Variants in VSIG10 observed in about 807,000 individuals in gnomAD.
VSIG10 encodes the protein V-set and immunoglobulin domain containing 10, also known as V-set and immunoglobulin domain-containing protein 10.
A neutral mutation model predicts 58.7 loss-of-function variants in VSIG10; 48 were observed. That is an observed-to-expected ratio of 0.82 (90% confidence interval 0.65 to 1.04). The LOEUF (loss-of-function observed/expected upper bound fraction) is 1.04. Ranked by LOEUF, VSIG10 falls within the 50% of genes least tolerant of loss-of-function variation. VSIG10 has a pLI of 0.00. For missense variants in VSIG10, 628 were observed against 670.0 expected, an observed-to-expected ratio of 0.94 and a Z score of 0.69; for synonymous variants, 260 against 267.1, an observed-to-expected ratio of 0.97 and a Z score of 0.26.
intron 4 of VSIG10, among the ~76,000 whole-genome samples, chr12:118,076,342 G>C (rs1346184922): frequency 3.3e-5 from 5 of 151,004 alleles, no homozygotes; most frequent in African/African-American, 1.2e-4. Context: ...CTGTGTGATG[G>C]ATATCATGAA....
intron 2 of VSIG10, among the ~76,000 whole-genome samples, chr12:118,084,659 G>A (rs4767662): frequency 0.67 from 102,467 of 151,948 alleles, 36,498 homozygotes; most frequent in African/African-American, 0.91. Context: ...TGGGTGGATC[G>A]CTTGAGGTCA....
intron 2 of VSIG10, among the ~76,000 whole-genome samples, chr12:118,088,267 A>C (rs1436928846): frequency 2.6e-5 from 4 of 151,344 alleles, no homozygotes; most frequent in African/African-American, 9.7e-5. Context: ...AAGGACCCAG[A>C]TATAAACTGG....
intron 2 of VSIG10, among the ~76,000 whole-genome samples, chr12:118,089,268 T>A (rs930150523): frequency 6.6e-6 from 1 of 152,188 alleles, no homozygotes; most frequent in Non-Finnish European, 1.5e-5. Flanking sequence ...GTGACATTTT[T>A]AAAGTTGCAA....
At chr12:118,094,453 G>C (rs1048379627) in intron 2 of VSIG10, among the ~76,000 whole-genome samples, 1 of 151,842 alleles carries the variant, frequency 6.6e-6, no homozygotes, top group Non-Finnish European at 1.5e-5. Context: ...GCACGATCTC[G>C]GCTCACCACA....
chr12:118,093,331 T>C (rs1308022423), intron 2 of VSIG10, among the ~76,000 whole-genome samples: 1 of 151,728 alleles, frequency 6.6e-6, no homozygotes, highest in Non-Finnish European at 1.5e-5. Flanking sequence ...CTGCAGGCCA[T>C]ACAACAGCAG....
At chr12:118,097,938 A>G (rs2033511863) in intron 1 of VSIG10, among the ~76,000 whole-genome samples, 1 of 152,006 alleles carries the variant, frequency 6.6e-6, no homozygotes, top group Admixed American at 6.6e-5. Flanking sequence ...AAATAAATAA[A>G]CAAACTACAT....
chr12:118,086,410 A>G (rs2033128265), intron 2 of VSIG10, among the ~76,000 whole-genome samples: 1 of 152,036 alleles, frequency 6.6e-6, no homozygotes, highest in African/African-American at 2.4e-5. Context: ...AGAGGCTGCC[A>G]TGAGCCGAGA....
chr12:118,099,900 C>G (rs2033579043), intron 1 of VSIG10, among the ~76,000 whole-genome samples: 1 of 152,224 alleles, frequency 6.6e-6, no homozygotes, highest in Non-Finnish European at 1.5e-5. Flanking sequence ...CTGATTCTCT[C>G]ACCATTTTGG....
intron 1 of VSIG10, among the ~76,000 whole-genome samples, chr12:118,099,134 A>G (rs2033556109): frequency 6.6e-6 from 1 of 151,802 alleles, no homozygotes; most frequent in East Asian, 2.0e-4. Context: ...CAGGCCTGTA[A>G]TCCCAGGGCT....
intron 4 of VSIG10, among the ~76,000 whole-genome samples, chr12:118,078,489 T>C (rs1419906552): frequency 6.6e-6 from 1 of 152,032 alleles, no homozygotes; most frequent in African/African-American, 2.4e-5. Context: ...GTTTGGCACC[T>C]CCCTTCTCTC....
At chr12:118,093,056 G>A (rs1289788371) in intron 2 of VSIG10, among the ~76,000 whole-genome samples, 13 of 151,670 alleles carry the variant, frequency 8.6e-5, no homozygotes, top group African/African-American at 1.9e-4. Context: ...TTGGGAGCCC[G>A]AGGCAGGCAG....
chr12:118,090,085 G>A, intron 2 of VSIG10, among the ~76,000 whole-genome samples: 1 of 152,138 alleles, frequency 6.6e-6, no homozygotes, highest in Non-Finnish European at 1.5e-5. Flanking sequence ...AGGCTGAGGC[G>A]GGCGGATCAC....
intron 2 of VSIG10, among the ~76,000 whole-genome samples, chr12:118,094,768 G>A (rs1399205725): frequency 6.7e-6 from 1 of 148,594 alleles, no homozygotes; most frequent in South Asian, 2.1e-4. Context: ...ACGGAGTCTT[G>A]CTCTGTCGCC....
At chr12:118,066,765 T>A in intron 8 of VSIG10, 71 bp from the exon 9 acceptor site, 1 of 1,477,748 alleles carries the variant, frequency 6.8e-7, no homozygotes, top group Non-Finnish European at 9.2e-7. Flanking sequence ...CAGTCATCAA[T>A]CATCTCAGTG....
rs778857440 is a variant in VSIG10 at position 118,063,978 on chromosome 12, CA to C, written c.*2660del. On this transcript the variant is annotated 3_prime_UTR_variant, in exon 9 of 9. Coordinates refer to ENST00000359236, the MANE Select transcript of VSIG10 (RefSeq NM_019086.6). Reference sequence around the variant, plus strand: ...GGTTTGAGAAAAACAAGAAAAAAGTCAGTTGCAATGGACCTGAAGTGTGTAT... The same window carrying C: ...GGTTTGAGAAAAACAAGAAAAAAGTCGTTGCAATGGACCTGAAGTGTGTAT... The C allele has an allele frequency of 8.5e-5, 13 of 152,176 alleles. No homozygotes were observed. Among genetic ancestry groups the C allele is most frequent in the Non-Finnish European group, 1.8e-4 (12 of 68,030 alleles). The allele number at this position is 152,176 out of a possible 1,614,324, so 9.4% of individuals were successfully genotyped here.
chr12:118,086,158 C>CA (rs34389356), intron 2 of VSIG10, among the ~76,000 whole-genome samples: 3,566 of 138,386 alleles, frequency 0.026, 51 homozygotes, highest in Non-Finnish European at 0.033. Flanking sequence ...AACTTTGTCT[C>CA]AAAAAAAAAA....
At chr12:118,075,777 G>A (rs1406018088) in intron 4 of VSIG10, among the ~76,000 whole-genome samples, 1 of 151,880 alleles carries the variant, frequency 6.6e-6, no homozygotes, top group East Asian at 1.9e-4. Context: ...CAGCAACCCT[G>A]TTATTATGCC....
At chr12:118,079,812 C>G (rs1458867848) in intron 3 of VSIG10, among the ~76,000 whole-genome samples, 1 of 132,328 alleles carries the variant, frequency 7.6e-6, no homozygotes, top group African/African-American at 3.2e-5. Flanking sequence ...GGGTCTCATT[C>G]ACCTTTGCAT....
Position 118,068,449 on chromosome 12 carries a change from G to A in VSIG10, c.1495C>T (p.His499Tyr), listed in dbSNP as rs2032345750. 6.2e-6 allele frequency: 10 copies of A among 1,613,558 alleles called. No individual in the cohort carries two copies. Among genetic ancestry groups the A allele is most frequent in the Non-Finnish European group, 8.5e-6 (10 of 1,179,864 alleles). ...ACCAAGGCGGTCACTCTGTGAATGT[G>A]GTCCTGCTTAGGTATTTCTTTTGGC... ...ELPKEIPKQD[H>Y]IHRVTALVNG... Residue 499 changes from histidine (H) to tyrosine (Y), a missense_variant, in exon 8 of 9, where the codon CAC becomes TAC. His to Tyr is a moderately conservative substitution (Grantham distance 83). Transcript: ENST00000359236.
Sources: gnomAD v4.1 joint callset for allele counts (sites outside exome capture counted in the v4.1 genomes callset) on GRCh38, gnomAD v4.1.1 for gene constraint, MANE v1.5 for transcripts, NCBI Gene and HGNC (gene_info 2026-07-23, HGNC 2026-07-21) for gene names.